Variants in CTNNA2 observed in about 807,000 individuals in gnomAD.
CTNNA2 encodes catenin alpha 2.
In CTNNA2, 42 loss-of-function variants were observed where a neutral mutation model predicts 101.0. The observed-to-expected ratio is 0.42, with a 90% CI of 0.32 to 0.54. The LOEUF (loss-of-function observed/expected upper bound fraction) is 0.54, where lower values mean the gene tolerates loss of function less well. CTNNA2 is among the 20% of genes least tolerant of loss of function. The pLI, the probability that CTNNA2 is intolerant of heterozygous loss-of-function variation, is 0.14. For missense variants in CTNNA2, 871 were observed against 1,223.1 expected, an observed-to-expected ratio of 0.71 and a Z score of 4.29; for synonymous variants, 450 against 456.4, an observed-to-expected ratio of 0.99 and a Z score of 0.18.
At chr2:80,628,349 T>C (rs1671908719) in intron 18 of CTNNA2, among the ~76,000 whole-genome samples, 1 of 151,980 alleles carries the variant, frequency 6.6e-6, no homozygotes, top group Admixed American at 6.6e-5. Flanking sequence ...GGCATCACGT[T>C]ACCTGACTTC....
intron 7 of CTNNA2, among the ~76,000 whole-genome samples, chr2:80,057,692 A>C (rs1458781706): frequency 6.6e-6 from 1 of 152,170 alleles, no homozygotes; most frequent in Non-Finnish European, 1.5e-5. Flanking sequence ...TGATCATTTC[A>C]GTCTTTTTGC....
chr2:79,772,899 T>G lies in CTNNA2; in HGVS notation c.298+28317T>G, dbSNP rs113021473. On this transcript the variant is annotated intron_variant, in intron 3 of 18. Transcript: ENST00000402739. ...ATCATCAGTAATATTAAAATGAATT[T>G]TGAAAAATGTTTAAAAACTTTAATG... 5.7e-3 allele frequency among the ~76,000 whole-genome samples: 870 copies of G among 152,354 alleles called. 6 individuals carry two copies. Among genetic ancestry groups the G allele is most frequent in the South Asian group, 0.025 (119 of 4,830 alleles).
At chr2:80,626,762 C>G (rs570889370) in intron 18 of CTNNA2, among the ~76,000 whole-genome samples, 1 of 152,058 alleles carries the variant, frequency 6.6e-6, no homozygotes, top group South Asian at 2.1e-4. Flanking sequence ...ATGTGCAGAA[C>G]GTACAGGTTT....
chr2:79,539,463 C>G (rs1420183369), intron 1 of CTNNA2, among the ~76,000 whole-genome samples: 2 of 152,044 alleles, frequency 1.3e-5, no homozygotes, highest in Non-Finnish European at 2.9e-5. Context: ...CTGTATGAGG[C>G]CCTTGGAAGC....
In CTNNA2 at chr2:79,869,945, A is replaced by T; in HGVS notation, c.585+10A>T. On this transcript the variant is annotated intron_variant, in intron 5 of 18. Coordinates refer to ENST00000402739, the MANE Select transcript of CTNNA2 (RefSeq NM_001282597.3). Reference sequence around the variant, plus strand: ...AGCAAGAAGACAACAGGTGGGAAAGATTTTAGAAATGCTAGGGGAGAAAAT... The same window carrying T: ...AGCAAGAAGACAACAGGTGGGAAAGTTTTTAGAAATGCTAGGGGAGAAAAT... The T allele has an allele frequency of 6.2e-7, 1 of 1,612,746 alleles. No homozygotes were observed. The highest frequency in any genetic ancestry group is 8.5e-7 in the Non-Finnish European group (1 of 1,179,726).
At chr2:79,807,071 C>G (rs950691211) in intron 3 of CTNNA2, among the ~76,000 whole-genome samples, 19 of 152,258 alleles carry the variant, frequency 1.2e-4, no homozygotes, top group African/African-American at 4.6e-4. Flanking sequence ...TTCACTCTTA[C>G]ACTTCCAGGC....
At position 79,427,443 on chromosome 2, in the gene CTNNA2, C is replaced by T. The variant is rs574243020; in HGVS notation, c.-135+53430C>T. 2.6e-5 allele frequency among the ~76,000 whole-genome samples: 4 copies of T among 151,984 alleles called. No homozygotes were observed. The South Asian group carries it at 8.3e-4, about 32-fold the overall frequency. The stretch of plus-strand genomic sequence containing the variant: ...AATTTCTTTCAATGCATTTTAATAA[C>T]TTTTAATAAGCTTTATTAACTTCTG... On this transcript the variant is annotated intron_variant, in intron 4 of 21. Transcript: ENST00000466387.
chr2:79,654,771 T>C (rs568972285), intron 2 of CTNNA2, among the ~76,000 whole-genome samples: 9 of 152,316 alleles, frequency 5.9e-5, no homozygotes, highest in Non-Finnish European at 7.4e-5. Context: ...ATGACTCTTG[T>C]TAGTTCTATA....
At chr2:79,825,232 T>C (rs1450121155) in intron 3 of CTNNA2, among the ~76,000 whole-genome samples, 1 of 152,010 alleles carries the variant, frequency 6.6e-6, no homozygotes, top group East Asian at 1.9e-4. Flanking sequence ...GAGAGAAAGA[T>C]AGAATGGAAC....
chr2:80,496,997 C>A (rs113971490), intron 9 of CTNNA2, among the ~76,000 whole-genome samples: 1 of 152,042 alleles, frequency 6.6e-6, no homozygotes, highest in Admixed American at 6.6e-5. Flanking sequence ...ATGAACGAAG[C>A]GCCTGAAAGA....
At chr2:80,458,711 C>T (rs1684181185) in intron 9 of CTNNA2, among the ~76,000 whole-genome samples, 1 of 152,146 alleles carries the variant, frequency 6.6e-6, no homozygotes. Context: ...CAACCACACA[C>T]CAAAAGCTCT....
At position 80,061,952 on chromosome 2, in the gene CTNNA2, A is replaced by T. The variant is rs75510564; in HGVS notation, c.1056+152155A>T. Among the ~76,000 whole-genome samples the T allele has an allele frequency of 1.2e-3, 187 of 152,372 alleles. No homozygotes were observed. The East Asian group carries it at 0.014, about 11-fold the overall frequency. ...AGTAAAGCAAAAAAATGTAGAAAGA[A>T]GCCTTGAAATCCCAATTAACATTTC... On this transcript the variant is annotated intron_variant, in intron 7 of 18. Transcript: ENST00000402739.
At chr2:80,559,251 G>A (rs564880609) in intron 12 of CTNNA2, among the ~76,000 whole-genome samples, 5 of 152,182 alleles carry the variant, frequency 3.3e-5, no homozygotes, top group Non-Finnish European at 7.3e-5. Context: ...GGGGTTGGGA[G>A]TATATTACAA....
chr2:79,869,155 C>T lies in CTNNA2; in HGVS notation c.466-661C>T, dbSNP rs147884935. ...AAAAGTTCACTGAGACAGTTTGCAG[C>T]GATTTGGAAGCATGGCACATTGGTA... On this transcript the variant is annotated intron_variant, in intron 4 of 18. Coordinates refer to ENST00000402739, the MANE Select transcript of CTNNA2 (RefSeq NM_001282597.3). 1.3e-3 allele frequency among the ~76,000 whole-genome samples: 192 copies of T among 152,286 alleles called. 2 individuals carry two copies. In the South Asian group the frequency reaches 0.015, roughly 12 times the overall value.
intron 2 of CTNNA2, chr2:79,687,511 C>A: frequency 7.8e-6 from 5 of 642,340 alleles, no homozygotes; most frequent in South Asian, 1.8e-5. Context: ...ACCCAGAGGG[C>A]ACACACTGGA....
intron 4 of CTNNA2, among the ~76,000 whole-genome samples, chr2:79,443,605 G>A (rs1409571259): frequency 2.0e-5 from 3 of 152,016 alleles, no homozygotes; most frequent in African/African-American, 7.2e-5. Flanking sequence ...TCACAAGTAG[G>A]AAGAGATAAT....
At chr2:80,122,901 T>G (rs2148881138) in intron 7 of CTNNA2, among the ~76,000 whole-genome samples, 1 of 152,264 alleles carries the variant, frequency 6.6e-6, no homozygotes, top group South Asian at 2.1e-4. Flanking sequence ...CAGAGTCAGC[T>G]TATCACCTCC....
intron 4 of CTNNA2, among the ~76,000 whole-genome samples, chr2:79,443,040 G>T (rs1049449409): frequency 6.6e-6 from 1 of 152,132 alleles, no homozygotes; most frequent in African/African-American, 2.4e-5. Context: ...TACTGACAAG[G>T]AGTTGGGGGA....
At chr2:80,247,744 T>G (rs1671439480) in intron 7 of CTNNA2, among the ~76,000 whole-genome samples, 1 of 152,204 alleles carries the variant, frequency 6.6e-6, no homozygotes, top group Non-Finnish European at 1.5e-5. Flanking sequence ...AATTTTTTTT[T>G]GGCACGTACA....
Sources: allele counts gnomAD v4.1 joint callset (sites outside exome capture counted in the v4.1 genomes callset), GRCh38; gene constraint gnomAD v4.1.1; transcripts MANE v1.5; gene names NCBI Gene and HGNC (gene_info 2026-07-23, HGNC 2026-07-21).